KIAA0825: variants seen among roughly 807,000 people sequenced by gnomAD.
KIAA0825 encodes uncharacterized protein KIAA0825.
KIAA0825 carries 119 observed loss-of-function variants against 147.6 expected under a neutral mutation model. The ratio of observed to expected loss-of-function variants is 0.81; its 90% CI spans 0.69 to 0.94. KIAA0825 has a LOEUF of 0.94. Among genes scored for constraint, KIAA0825 ranks in the 40% least tolerant of loss-of-function variants. KIAA0825 has a pLI of 0.00. For synonymous variants in KIAA0825, 470 were observed against 518.1 expected (o/e 0.91, Z 1.26); for missense variants, 1,381 against 1,472.7 (o/e 0.94, Z 1.02).
At chr5:94,519,531 T>A (rs1767774905) in intron 5 of KIAA0825, 13 of 659,668 alleles carry the variant, frequency 2.0e-5, no homozygotes, top group Non-Finnish European at 2.4e-5. Context: ...ATGAATAAAA[T>A]AGAAATTTTC....
chr5:94,537,216 T>C, intron 2 of KIAA0825, 89 bp from the exon 3 acceptor site: 1 of 938,026 alleles, frequency 1.1e-6, no homozygotes. Flanking sequence ...CAAGTTGTGA[T>C]ACTAAACCAA....
intron 20 of KIAA0825, among the ~76,000 whole-genome samples, chr5:94,244,525 C>T (rs540985911): frequency 1.3e-5 from 2 of 152,172 alleles, no homozygotes; most frequent in Admixed American, 1.3e-4. Flanking sequence ...TTCTTGGAGA[C>T]AAGGTCTCAG....
intron 20 of KIAA0825, among the ~76,000 whole-genome samples, chr5:94,363,046 G>A (rs1745292692): frequency 6.6e-6 from 1 of 152,158 alleles, no homozygotes; most frequent in African/African-American, 2.4e-5. Context: ...GGCTGAATCA[G>A]ATGAATACAC....
chr5:94,545,868 A>G (rs1374138736), intron 2 of KIAA0825, among the ~76,000 whole-genome samples: 4 of 152,162 alleles, frequency 2.6e-5, no homozygotes, highest in African/African-American at 7.2e-5. Flanking sequence ...CTCTTTAGGT[A>G]TGAGCTCAGC....
chr5:94,452,951 G>A lies in KIAA0825; in HGVS notation c.2357+8C>T. On this transcript the variant is annotated splice_region_variant and intron_variant, in intron 13 of 20. Transcript: ENST00000682413. ...ATTATAGATAGTATGGCATTTAGAGGCTCTCACCTGAGTAAAGAAGGGTAG... is the reference window on the plus strand; with the variant it reads ...ATTATAGATAGTATGGCATTTAGAGACTCTCACCTGAGTAAAGAAGGGTAG... 1 of 1,376,826 alleles carries A rather than the reference G, an allele frequency of 7.3e-7. No individual in the cohort carries two copies. The highest frequency in any genetic ancestry group is 2.7e-5 in the East Asian group (1 of 36,464). 85.3% of individuals were successfully genotyped at this position (1,376,826 alleles called of 1,614,324 possible).
At chr5:94,586,093 A>T (rs916988950) in intron 1 of KIAA0825, among the ~76,000 whole-genome samples, 5 of 152,220 alleles carry the variant, frequency 3.3e-5, no homozygotes, top group African/African-American at 1.2e-4. Context: ...AGCAGAAAAG[A>T]TCTAAAATTG....
chr5:94,473,351 G>C lies in KIAA0825; in HGVS notation c.1396C>G (p.Gln466Glu). ...AACATATGGCTGTCTTGCCAAACTT[G>C]CTGGACATTTACAAGGTTCATAGCA... ...SYAMNLVNVQ[Q>E]VWQDSHMFPE... is the part of the protein sequence containing the mutation. The change falls in exon 8 of 21, where the codon CAA (glutamine) becomes GAA (glutamate). Residue 466 changes from glutamine to glutamate, a missense_variant. By Grantham distance (29) the Gln-to-Glu change is conservative. Transcript: ENST00000682413. The C allele has an allele frequency of 6.4e-7, 1 of 1,551,780 alleles. No homozygotes were observed. Among genetic ancestry groups the C allele is most frequent in the African/African-American group, 1.4e-5 (1 of 73,162 alleles).
chr5:94,365,354 C>T (rs1562421422), intron 20 of KIAA0825, among the ~76,000 whole-genome samples: 1 of 152,328 alleles, frequency 6.6e-6, no homozygotes, highest in South Asian at 2.1e-4. Flanking sequence ...TGCCCCTTCA[C>T]CAGAACCTTA....
chr5:94,509,568 T>A (rs1188726953), intron 5 of KIAA0825, among the ~76,000 whole-genome samples: 4 of 152,192 alleles, frequency 2.6e-5, no homozygotes, highest in Non-Finnish European at 4.4e-5. Flanking sequence ...AAAACTTGCA[T>A]ATATTTAATC....
At chr5:94,276,079 C>A (rs1475131336) in intron 20 of KIAA0825, among the ~76,000 whole-genome samples, 1 of 150,184 alleles carries the variant, frequency 6.7e-6, no homozygotes, top group Non-Finnish European at 1.5e-5. Context: ...GACTATAAAA[C>A]CTTCACTGCA....
chr5:94,307,511 T>C (rs1404532765), intron 20 of KIAA0825, among the ~76,000 whole-genome samples: 1 of 151,838 alleles, frequency 6.6e-6, no homozygotes, highest in Non-Finnish European at 1.5e-5. Context: ...TTCCAATCTA[T>C]CTTTCTAGCC....
chr5:94,595,280 T>C (rs1228055535), intron 1 of KIAA0825, among the ~76,000 whole-genome samples: 1 of 152,220 alleles, frequency 6.6e-6, no homozygotes, highest in Non-Finnish European at 1.5e-5. Flanking sequence ...CATACATCTC[T>C]GAACTCTAAG....
chr5:94,214,273 A>G (rs910466344), intron 20 of KIAA0825, among the ~76,000 whole-genome samples: 2 of 152,194 alleles, frequency 1.3e-5, no homozygotes, highest in Admixed American at 1.3e-4. Flanking sequence ...GAGGATCTCT[A>G]TAAAGATCAT....
At chr5:94,579,322 G>C (rs1781648192) in intron 2 of KIAA0825, among the ~76,000 whole-genome samples, 1 of 152,134 alleles carries the variant, frequency 6.6e-6, no homozygotes, top group Admixed American at 6.5e-5. Flanking sequence ...AACATTAAAG[G>C]GTTGTTACCA....
intron 3 of KIAA0825, among the ~76,000 whole-genome samples, chr5:94,524,571 T>C (rs1328495901): frequency 4.0e-5 from 6 of 151,776 alleles, no homozygotes; most frequent in East Asian, 3.8e-4. Context: ...AGTTGTAAAG[T>C]ATACAAGCTA....
intron 20 of KIAA0825, among the ~76,000 whole-genome samples, chr5:94,349,758 C>G (rs1783425568): frequency 6.6e-6 from 1 of 152,132 alleles, no homozygotes; most frequent in African/African-American, 2.4e-5. Flanking sequence ...CATAACCTAT[C>G]AAAACCTCTA....
At chr5:94,474,576 T>C (rs192451703) in intron 7 of KIAA0825, among the ~76,000 whole-genome samples, 21 of 152,310 alleles carry the variant, frequency 1.4e-4, no homozygotes, top group African/African-American at 5.1e-4. Context: ...AATTTTCTTA[T>C]ATGTACAACT....
At chr5:94,213,842 C>T (rs910026548) in intron 20 of KIAA0825, among the ~76,000 whole-genome samples, 1 of 152,172 alleles carries the variant, frequency 6.6e-6, no homozygotes, top group African/African-American at 2.4e-5. Context: ...TGCCCTTTCT[C>T]TTGTTCCAGG....
At chr5:94,593,649 G>T in intron 1 of KIAA0825, 1 of 434,630 alleles carries the variant, frequency 2.3e-6, no homozygotes, top group South Asian at 2.6e-5. Flanking sequence ...TGGGAACAAT[G>T]GAAGATATAG....
Sources: allele counts gnomAD v4.1 joint callset (sites outside exome capture counted in the v4.1 genomes callset), GRCh38; gene constraint gnomAD v4.1.1; transcripts MANE v1.5; gene names NCBI Gene and HGNC (gene_info 2026-07-23, HGNC 2026-07-21).